PLD5: variants seen among roughly 807,000 people sequenced by gnomAD.
PLD5 encodes the protein inactive phospholipase D5.
In PLD5, 36 loss-of-function variants were observed where a neutral mutation model predicts 61.1. The ratio of observed to expected loss-of-function variants is 0.59; its 90% CI spans 0.45 to 0.78. The LOEUF (loss-of-function observed/expected upper bound fraction) is 0.78. PLD5 is among the 30% of genes least tolerant of loss of function. PLD5 has a pLI of 0.00. For missense variants in PLD5, 515 were observed against 644.4 expected, an observed-to-expected ratio of 0.80 and a Z score of 2.17; for synonymous variants, 243 against 242.8, an observed-to-expected ratio of 1.00 and a Z score of -0.01.
chr1:242,254,057 A>T (rs893250687), intron 4 of PLD5, among the ~76,000 whole-genome samples: 52 of 152,222 alleles, frequency 3.4e-4, no homozygotes, highest in African/African-American at 1.2e-3. Flanking sequence ...AACCAGCTGC[A>T]TTCCCAAAGA....
chr1:242,219,883 T>A, intron 5 of PLD5, 105 bp downstream of exon 5: 2 of 1,396,340 alleles, frequency 1.4e-6, no homozygotes, highest in Middle Eastern at 1.9e-4. Context: ...TTAAGAATAA[T>A]AAATGCTGTA....
chr1:242,280,829 G>A (rs573205818), intron 3 of PLD5, among the ~76,000 whole-genome samples: 38 of 152,332 alleles, frequency 2.5e-4, no homozygotes, highest in African/African-American at 7.9e-4. Context: ...ACATGGGAGT[G>A]ACGTTGTCAA....
chr1:242,337,517 G>T (rs541984169), intron 2 of PLD5, among the ~76,000 whole-genome samples: 1 of 152,216 alleles, frequency 6.6e-6, no homozygotes, highest in Non-Finnish European at 1.5e-5. Flanking sequence ...TGTAATCCCA[G>T]ATACTCAGTA....
At chr1:242,426,967 T>C (rs1665463116) in intron 1 of PLD5, among the ~76,000 whole-genome samples, 1 of 152,168 alleles carries the variant, frequency 6.6e-6, no homozygotes, top group African/African-American at 2.4e-5. Flanking sequence ...CAGATTGGCT[T>C]GCTGAAGGTA....
In PLD5 at chr1:242,083,360, T is replaced by C. The variant is rs962117613; in HGVS notation, c.*6494A>G. On this transcript the variant is annotated 3_prime_UTR_variant, in exon 10 of 10. Transcript: ENST00000536534. The stretch of plus-strand genomic sequence containing the variant: ...CCCTCTGGCCTGAAAATGAGTCTCT[T>C]TGGGTCGGGTACTGAACCTTGGTAC... The C allele has an allele frequency of 3.4e-4, 52 of 152,208 alleles. No homozygotes were observed. Among genetic ancestry groups the C allele is most frequent in the African/African-American group, 1.3e-3 (52 of 41,446 alleles). 9.4% of individuals were successfully genotyped at this position (152,208 alleles called of 1,614,324 possible).
chr1:242,518,458 C>T lies in PLD5; in HGVS notation c.189+5630G>A, dbSNP rs947172873. Reference sequence around the variant, plus strand: ...GTGTGAGATCGTGCCACAGACTCCACGTCTGTCTAACTATGCCATCTATCA... The same window carrying T: ...GTGTGAGATCGTGCCACAGACTCCATGTCTGTCTAACTATGCCATCTATCA... On this transcript the variant is annotated intron_variant, in intron 1 of 9. Coordinates refer to ENST00000536534, the MANE Select transcript of PLD5 (RefSeq NM_001372062.1). Among the ~76,000 whole-genome samples, 30 of 152,328 alleles carry T rather than the reference C, an allele frequency of 2.0e-4. 1 individual carries two copies. The highest frequency in any genetic ancestry group is 6.3e-4 in the African/African-American group (26 of 41,578).
chr1:242,134,175 G>A (rs1663523550), intron 5 of PLD5, among the ~76,000 whole-genome samples: 1 of 152,128 alleles, frequency 6.6e-6, no homozygotes, highest in Admixed American at 6.5e-5. Context: ...TTAGGCAGAG[G>A]ATATTAACAG....
intron 2 of PLD5, among the ~76,000 whole-genome samples, chr1:242,328,719 G>A (rs1658981554): frequency 1.3e-5 from 2 of 152,306 alleles, no homozygotes; most frequent in South Asian, 2.1e-4. Context: ...ACTACTTTCT[G>A]CCTCTGAGGT....
chr1:242,493,341 C>G lies in PLD5; in HGVS notation c.189+30747G>C, dbSNP rs146433744. Reference sequence around the variant, plus strand: ...GGTTGGCCCACAAGCTGGGAGGCCACGCAGCGAATGTCTGAAGCCTTCATG... The same window carrying G: ...GGTTGGCCCACAAGCTGGGAGGCCAGGCAGCGAATGTCTGAAGCCTTCATG... On this transcript the variant is annotated intron_variant, in intron 1 of 9. Coordinates refer to ENST00000536534, the MANE Select transcript of PLD5 (RefSeq NM_001372062.1). Among the ~76,000 whole-genome samples, 438 of 152,178 alleles carry G rather than the reference C, an allele frequency of 2.9e-3. 1 individual carries two copies. The highest frequency in any genetic ancestry group is 0.01 in the African/African-American group (419 of 41,538).
At chr1:242,482,019 T>C (rs192044345) in intron 1 of PLD5, among the ~76,000 whole-genome samples, 5 of 152,240 alleles carry the variant, frequency 3.3e-5, no homozygotes, top group Admixed American at 3.3e-4. Context: ...GAAGGAAAAC[T>C]AACAAACAGA....
At chr1:242,291,420 A>G (rs1313361183) in intron 2 of PLD5, among the ~76,000 whole-genome samples, 1 of 151,998 alleles carries the variant, frequency 6.6e-6, no homozygotes, top group Non-Finnish European at 1.5e-5. Context: ...GTAACTATAT[A>G]CTATAGTATA....
intron 1 of PLD5, among the ~76,000 whole-genome samples, chr1:242,438,264 A>G (rs1438153944): frequency 7.2e-6 from 1 of 138,752 alleles, no homozygotes; most frequent in Admixed American, 7.3e-5. Context: ...AGAAAAAAAA[A>G]TTTTTTTTTT....
chr1:242,401,125 G>GC (rs1663907008), intron 1 of PLD5, among the ~76,000 whole-genome samples: 1 of 152,032 alleles, frequency 6.6e-6, no homozygotes. Context: ...AGTTAATGGT[G>GC]CCAGCATTCC....
intron 1 of PLD5, among the ~76,000 whole-genome samples, chr1:242,409,655 C>T (rs925054391): frequency 1.3e-5 from 2 of 152,160 alleles, no homozygotes; most frequent in Admixed American, 6.5e-5. Flanking sequence ...AGGAAACCAG[C>T]CAGTTATATG....
At chr1:242,167,073 TAATAGTAA>T (rs1289995571) in intron 5 of PLD5, among the ~76,000 whole-genome samples, 1 of 20,896 alleles carries the variant, frequency 4.8e-5, no homozygotes, top group Admixed American at 4.8e-4. Flanking sequence ...GAGACAATAA[TAATAGTAA>T]TAATAATAAT....
chr1:242,123,110 T>G (rs1424743377), intron 6 of PLD5, among the ~76,000 whole-genome samples: 1 of 152,186 alleles, frequency 6.6e-6, no homozygotes, highest in Non-Finnish European at 1.5e-5. Flanking sequence ...TAAGCATACT[T>G]CGTAGCCAAT....
At position 242,106,401 on chromosome 1, in the gene PLD5, A is replaced by G. The variant is rs1050420824; in HGVS notation, c.1239+1270T>C. Among the ~76,000 whole-genome samples, 10 of 152,182 alleles carry G rather than the reference A, an allele frequency of 6.6e-5. 1 individual carries two copies. Among genetic ancestry groups the G allele is most frequent in the Admixed American group, 5.9e-4 (9 of 15,278 alleles). On this transcript the variant is annotated intron_variant, in intron 8 of 9. Transcript: ENST00000536534. ...TGGGAGGTGAGAATGAGGGTTCTCT[A>G]TGAGGCAAGATGAGTGAAATGGATC... is the stretch of plus-strand genomic sequence containing the variant.
In PLD5 at chr1:242,219,978, G is replaced by C; in HGVS notation, c.735+10C>G. ...CAGAACATTGAGTTTACATAACGTA[G>C]AAAGCTTACCTGTCCCAGGGATTGC... On this transcript the variant is annotated intron_variant, in intron 5 of 9. Transcript: ENST00000536534. 6.2e-7 allele frequency: 1 copy of C among 1,611,652 alleles called. No individual in the cohort carries two copies. The highest frequency in any genetic ancestry group is 8.5e-7 in the Non-Finnish European group (1 of 1,177,928).
intron 1 of PLD5, among the ~76,000 whole-genome samples, chr1:242,514,809 C>A (rs1669050617): frequency 6.6e-6 from 1 of 151,822 alleles, no homozygotes; most frequent in South Asian, 2.1e-4. Context: ...GAGGGAAGGA[C>A]CCAGGAAGCC....
Sources: allele counts gnomAD v4.1 joint callset (sites outside exome capture counted in the v4.1 genomes callset), GRCh38; gene constraint gnomAD v4.1.1; transcripts MANE v1.5; gene names NCBI Gene and HGNC (gene_info 2026-07-23, HGNC 2026-07-21).